ANO4: variants seen among roughly 807,000 people sequenced by gnomAD.
The protein encoded by ANO4 is anoctamin 4.
In ANO4, 69 loss-of-function variants were observed where a neutral mutation model predicts 141.9. The observed-to-expected ratio is 0.49, with a 90% confidence interval of 0.40 to 0.59. The LOEUF (loss-of-function observed/expected upper bound fraction) is 0.59, where lower values mean the gene tolerates loss of function less well. Among genes scored for constraint, ANO4 ranks in the 20% least tolerant of loss-of-function variants. ANO4 has a pLI of 0.00. For synonymous variants in ANO4, 350 were observed against 394.3 expected, an observed-to-expected ratio of 0.89 and a Z score of 1.33; for missense variants, 894 against 1,162.2, an observed-to-expected ratio of 0.77 and a Z score of 3.36.
intron 3 of ANO4, among the ~76,000 whole-genome samples, chr12:100,775,785 T>A (rs1177865015): frequency 2.6e-5 from 4 of 152,160 alleles, no homozygotes; most frequent in Admixed American, 2.0e-4. Flanking sequence ...GATTTTTTCT[T>A]CCTATTACGA....
chr12:100,740,191 G>A, intron 3 of ANO4: 1 of 672,900 alleles, frequency 1.5e-6, no homozygotes, highest in Non-Finnish European at 2.7e-6. Context: ...AATTGCATTT[G>A]TATTTCTGCT....
At chr12:100,864,736 G>A (rs756613774) in intron 1 of ANO4, among the ~76,000 whole-genome samples, 1 of 152,172 alleles carries the variant, frequency 6.6e-6, no homozygotes, top group African/African-American at 2.4e-5. Flanking sequence ...TGCAGAACGT[G>A]CAGGTTTGTT....
chr12:101,061,845 A>G (rs990429624), intron 14 of ANO4, among the ~76,000 whole-genome samples: 14 of 151,458 alleles, frequency 9.2e-5, no homozygotes, highest in African/African-American at 2.7e-4. Flanking sequence ...AGCTTGGAGG[A>G]GTTTGTTATT....
intron 5 of ANO4, among the ~76,000 whole-genome samples, chr12:100,949,787 G>A (rs2042894773): frequency 6.6e-6 from 1 of 152,180 alleles, no homozygotes; most frequent in Non-Finnish European, 1.5e-5. Flanking sequence ...AGGTTCAGAT[G>A]TTTATCTGCT....
At chr12:101,087,474 G>T (rs1254085203) in intron 17 of ANO4, among the ~76,000 whole-genome samples, 1 of 152,094 alleles carries the variant, frequency 6.6e-6, no homozygotes, top group Non-Finnish European at 1.5e-5. Context: ...AGTGAGCAGT[G>T]ACAGGGCCAC....
chr12:100,746,684 A>T (rs1335385571), intron 3 of ANO4, among the ~76,000 whole-genome samples: 1 of 152,150 alleles, frequency 6.6e-6, no homozygotes, highest in African/African-American at 2.4e-5. Context: ...TCCTACATGC[A>T]CAAGACGTGG....
At chr12:100,891,429 A>G (rs1647854793) in intron 1 of ANO4, among the ~76,000 whole-genome samples, 1 of 152,100 alleles carries the variant, frequency 6.6e-6, no homozygotes, top group African/African-American at 2.4e-5. Flanking sequence ...ACCATTTTGT[A>G]TTTCCACCAG....
intron 14 of ANO4, among the ~76,000 whole-genome samples, chr12:101,064,880 G>A (rs993500926): frequency 2.0e-5 from 3 of 151,784 alleles, no homozygotes; most frequent in Admixed American, 6.6e-5. Flanking sequence ...TCCCACATGA[G>A]ATGTGAATCA....
upstream of ANO4, among the ~76,000 whole-genome samples, chr12:100,790,139 C>T (rs1037745802): frequency 1.3e-5 from 2 of 152,222 alleles, no homozygotes; most frequent in African/African-American, 2.4e-5. Flanking sequence ...TAGAAGAATA[C>T]ACTCTCTGTG....
chr12:100,825,411 T>C lies in ANO4; in HGVS notation c.-141+30384T>C, dbSNP rs543053573. On this transcript the variant is annotated intron_variant, in intron 1 of 27. Transcript: ENST00000392977. ...TTATTTCATTTCTTGATATGTAAGGTGAGACTAAGAAACATTACGTGATGC... is the reference window on the plus strand; with the variant it reads ...TTATTTCATTTCTTGATATGTAAGGCGAGACTAAGAAACATTACGTGATGC... Among the ~76,000 whole-genome samples the C allele has an allele frequency of 5.3e-5, 8 of 152,118 alleles. No individual in the cohort carries two copies. The South Asian group carries it at 6.2e-4, about 12-fold the overall frequency.
chr12:100,741,827 A>G lies in ANO4; in HGVS notation c.358+1722A>G, dbSNP rs369269026. ...CTTTAGTTTAATAAAATCAGAAGTT[A>G]ATATATAAAGTACCTCCTTTATATA... On this transcript the variant is annotated intron_variant, in intron 3 of 29. Coordinates refer to the ANO4 transcript ENST00000644049. Among the ~76,000 whole-genome samples, 3 of 152,292 alleles carry G rather than the reference A, an allele frequency of 2.0e-5. No individual in the cohort carries two copies. In the South Asian group the frequency reaches 6.2e-4, roughly 32 times the overall value.
chr12:100,961,973 C>T (rs1592849868), intron 5 of ANO4, among the ~76,000 whole-genome samples: 1 of 152,098 alleles, frequency 6.6e-6, no homozygotes, highest in African/African-American at 2.4e-5. Flanking sequence ...ATGGGGATCA[C>T]CAGGGTTGGT....
intron 1 of ANO4, among the ~76,000 whole-genome samples, chr12:100,881,876 G>A (rs1266857515): frequency 6.6e-6 from 1 of 152,082 alleles, no homozygotes; most frequent in Non-Finnish European, 1.5e-5. Flanking sequence ...AGGCCCAAAG[G>A]TCTCCTAATT....
intron 4 of ANO4, among the ~76,000 whole-genome samples, chr12:100,940,119 A>C (rs888342440): frequency 2.0e-5 from 3 of 152,072 alleles, no homozygotes; most frequent in African/African-American, 7.2e-5. Flanking sequence ...TGGAACAGAG[A>C]AAATTGTTTA....
chr12:101,047,272 A>G (rs1285719823), intron 13 of ANO4, among the ~76,000 whole-genome samples: 1 of 152,012 alleles, frequency 6.6e-6, no homozygotes, highest in East Asian at 1.9e-4. Context: ...CAAACAAACA[A>G]CAACAAACTC....
chr12:101,110,503 A>G lies in ANO4; in HGVS notation c.2249A>G (p.Tyr750Cys). The G allele has an allele frequency of 6.2e-7, 1 of 1,611,634 alleles. No homozygotes were observed. Among genetic ancestry groups the G allele is most frequent in the Non-Finnish European group, 8.5e-7 (1 of 1,178,844 alleles). ...ATAATTGAAATTCGACTTGATGCTTACAAATTTGTCACACAGTGGAGGAGA... is the reference window on the plus strand; with the variant it reads ...ATAATTGAAATTCGACTTGATGCTTGCAAATTTGTCACACAGTGGAGGAGA... ...NNIIEIRLDA[Y>C]KFVTQWRRPL... is the part of the protein sequence containing the mutation. Residue 750 changes from tyrosine to cysteine, a missense_variant, in exon 23 of 28, where the codon TAC becomes TGC. Transcript: ENST00000392977.
intron 8 of ANO4, among the ~76,000 whole-genome samples, chr12:101,001,583 C>T (rs2045643363): frequency 6.6e-6 from 1 of 152,176 alleles, no homozygotes; most frequent in African/African-American, 2.4e-5. Context: ...AACCCATGCT[C>T]CTTCCATAAT....
intron 2 of ANO4, among the ~76,000 whole-genome samples, chr12:100,915,041 G>A (rs1413973775): frequency 6.6e-6 from 1 of 151,946 alleles, no homozygotes; most frequent in Non-Finnish European, 1.5e-5. Flanking sequence ...GGTAGGTCTT[G>A]AACTTCTGGT....
At chr12:101,096,845 T>C (rs889482374) in intron 19 of ANO4, among the ~76,000 whole-genome samples, 198 bp downstream of exon 19, 7 of 152,186 alleles carry the variant, frequency 4.6e-5, no homozygotes, top group African/African-American at 1.7e-4. Flanking sequence ...CAAAACTGTC[T>C]GTGCACCTTT....
Sources: allele counts gnomAD v4.1 joint callset (sites outside exome capture counted in the v4.1 genomes callset), GRCh38; gene constraint gnomAD v4.1.1; transcripts MANE v1.5; gene names NCBI Gene and HGNC (gene_info 2026-07-23, HGNC 2026-07-21).